The following RYK variants were observed in gnomAD, a reference collection of about 807,000 sequenced individuals.
RYK encodes the protein inactive tyrosine-protein kinase RYK.
Under a neutral mutation model 70.2 loss-of-function variants are expected in RYK, and 21 were observed. The ratio of observed to expected loss-of-function variants is 0.30; its 90% CI spans 0.21 to 0.43. RYK has a LOEUF of 0.43. Ranked by LOEUF, RYK falls within the 20% of genes least tolerant of loss-of-function variation. RYK has a pLI of 1.00. For missense variants in RYK, 604 were observed against 753.3 expected, an observed-to-expected ratio of 0.80 and a Z score of 2.32; for synonymous variants, 267 against 278.0, an observed-to-expected ratio of 0.96 and a Z score of 0.39.
At chr3:134,158,904 A>G (rs1449996324) in intron 14 of RYK, among the ~76,000 whole-genome samples, 1 of 152,232 alleles carries the variant, frequency 6.6e-6, no homozygotes, top group Non-Finnish European at 1.5e-5. Context: ...TATGTCCTTT[A>G]TAACTACTTT....
At chr3:134,181,805 C>T (rs972773018) in intron 10 of RYK, 1 of 152,124 alleles carries the variant, frequency 6.6e-6, no homozygotes, top group Non-Finnish European at 1.5e-5. Context: ...ATTTAAGCTG[C>T]TTCTGGCTCA....
At chr3:134,170,626 A>C (rs1453484838) in intron 13 of RYK, 1 of 154,736 alleles carries the variant, frequency 6.5e-6, no homozygotes, top group Non-Finnish European at 1.4e-5. Context: ...TACACTGAGA[A>C]GTGGAAGACA....
chr3:134,157,499 C>T lies in RYK; in HGVS notation c.*654G>A, dbSNP rs1298032572. 6.6e-6 allele frequency: 1 copy of T among 152,194 alleles called. No homozygotes were observed. Among genetic ancestry groups the T allele is most frequent in the Non-Finnish European group, 1.5e-5 (1 of 68,022 alleles). The allele number at this position is 152,194 out of a possible 1,614,324, so 9.4% of individuals were successfully genotyped here. On this transcript the variant is annotated 3_prime_UTR_variant, in exon 15 of 15. Transcript: ENST00000623711. ...TCCTGCTTTCCCAAAAACACGAAAGCAGAATTCCTTTTCACTGAAAAAAAT... is the reference window on the plus strand; with the variant it reads ...TCCTGCTTTCCCAAAAACACGAAAGTAGAATTCCTTTTCACTGAAAAAAAT...
chr3:134,190,620 C>T (rs2013617216), intron 8 of RYK, among the ~76,000 whole-genome samples: 1 of 151,874 alleles, frequency 6.6e-6, no homozygotes. Context: ...GTGAACCTGA[C>T]CACCTTTTTA....
rs372640282 is a variant in RYK, at chr3:134,192,527, C to CCACAT, written c.890-558_890-554dup. 2.9e-3 allele frequency among the ~76,000 whole-genome samples: 445 copies of CCACAT among 151,834 alleles called. 1 individual carries two copies. The highest frequency in any genetic ancestry group is 0.017 in the Middle Eastern group (5 of 294). On this transcript the variant is annotated intron_variant, in intron 7 of 14. Coordinates refer to ENST00000623711, the MANE Select transcript of RYK (RefSeq NM_002958.4). ...AATCAATGTAATTATTCTGGTATTA[C>CCACAT]CACATCCTAGTAAAACCATTGTGAG...
intron 2 of RYK, among the ~76,000 whole-genome samples, chr3:134,216,850 A>T (rs1381067528): frequency 6.7e-6 from 1 of 150,216 alleles, no homozygotes; most frequent in Non-Finnish European, 1.5e-5. Context: ...ACACAGTTAC[A>T]TGTTTCTCCT....
chr3:134,218,652 G>A lies in RYK; in HGVS notation c.354+3766C>T, dbSNP rs187063153. On this transcript the variant is annotated intron_variant, in intron 2 of 14. Coordinates refer to ENST00000623711, the MANE Select transcript of RYK (RefSeq NM_002958.4). ...ACACTAAATGACTGGCTAGATAGGA[G>A]GCAGAAAAGAAAGGCCGAGACCAGA... Among the ~76,000 whole-genome samples the A allele has an allele frequency of 3.2e-4, 49 of 152,234 alleles. No individual in the cohort carries two copies. The East Asian group carries it at 6.6e-3, about 20-fold the overall frequency.
At chr3:134,161,089 CT>C (rs1379019316) in intron 13 of RYK, among the ~76,000 whole-genome samples, 1 of 152,138 alleles carries the variant, frequency 6.6e-6, no homozygotes, top group East Asian at 1.9e-4. Flanking sequence ...TTAGTAACAA[CT>C]GAACATATTC....
intron 1 of RYK, among the ~76,000 whole-genome samples, chr3:134,242,943 C>T (rs2015365121): frequency 6.6e-6 from 1 of 152,208 alleles, no homozygotes; most frequent in Admixed American, 6.5e-5. Context: ...TAAATACCAA[C>T]TCCACCAAAA....
chr3:134,188,165 A>AT (rs1278637275), intron 9 of RYK, among the ~76,000 whole-genome samples: 6,179 of 98,622 alleles, frequency 0.063, 195 homozygotes, highest in East Asian at 0.13. Context: ...ATATATATAT[A>AT]TATTTTTTTT....
In RYK at chr3:134,178,087, A is replaced by C. The variant is rs758440580; in HGVS notation, c.1173-14T>G. ...GGAAGAAGATTTCTATAAAATAATA[A>C]AAAATTGGGAGAAAGACAAAGGAAT... is the stretch of plus-strand genomic sequence containing the variant. On this transcript the variant is annotated splice_polypyrimidine_tract_variant and intron_variant, in intron 10 of 14. Coordinates refer to ENST00000623711, the MANE Select transcript of RYK (RefSeq NM_002958.4). 1.3e-6 allele frequency: 2 copies of C among 1,540,112 alleles called. No individual in the cohort carries two copies. The highest frequency in any genetic ancestry group is 2.8e-5 in the African/African-American group (2 of 71,156).
At chr3:134,203,951 G>A (rs190324073) in intron 5 of RYK, among the ~76,000 whole-genome samples, 22 of 152,282 alleles carry the variant, frequency 1.4e-4, no homozygotes, top group Admixed American at 1.4e-3. Context: ...GTGGCTAGCA[G>A]TTACCATACT....
intron 6 of RYK, among the ~76,000 whole-genome samples, chr3:134,197,912 C>T (rs777256345): frequency 2.0e-5 from 3 of 152,178 alleles, no homozygotes; most frequent in Non-Finnish European, 4.4e-5. Context: ...CACACAAAGG[C>T]GTTACAGGGA....
At chr3:134,175,899 C>A in intron 12 of RYK, 31 bp downstream of exon 12, 1 of 1,559,614 alleles carries the variant, frequency 6.4e-7, no homozygotes, top group Non-Finnish European at 8.8e-7. Context: ...CACTCTACAT[C>A]AAGTGACAGC....
chr3:134,205,471 A>G (rs535634069), intron 5 of RYK, among the ~76,000 whole-genome samples: 1 of 152,332 alleles, frequency 6.6e-6, no homozygotes, highest in African/African-American at 2.4e-5. Context: ...ATGCCACAGG[A>G]AAGCTATTCA....
At chr3:134,209,874 C>A in intron 3 of RYK, 45 bp from the exon 4 acceptor site, 1 of 1,292,106 alleles carries the variant, frequency 7.7e-7, no homozygotes, top group South Asian at 1.6e-5. Context: ...TTCTAAAAAT[C>A]AACATTAATG....
chr3:134,247,553 T>C (rs1256265187), intron 1 of RYK, among the ~76,000 whole-genome samples: 2 of 151,970 alleles, frequency 1.3e-5, no homozygotes, highest in Non-Finnish European at 2.9e-5. Flanking sequence ...AAATACAAAA[T>C]TAGCTGGGCA....
At position 134,175,917 on chromosome 3, in the gene RYK, T is replaced by G. The variant is rs28622917; in HGVS notation, c.1415+13A>C. 140,547 of 1,586,468 alleles carry G rather than the reference T, an allele frequency of 0.089. 8,531 individuals are homozygous for G. The highest frequency in any genetic ancestry group is 0.37 in the East Asian group (16,391 of 44,506). On this transcript the variant is annotated intron_variant, in intron 12 of 14. Coordinates refer to ENST00000623711, the MANE Select transcript of RYK (RefSeq NM_002958.4). ...TCTACATCAAGTGACAGCGTCAAGC[T>G]CATGGCACCTACACACAGTTCCTGG...
In RYK at chr3:134,177,975, C is replaced by G. The variant is rs747240194; in HGVS notation, c.1271G>C (p.Arg424Pro). Residue 424 changes from arginine to proline, a missense_variant, in exon 11 of 15, where the codon CGA becomes CCA. Transcript: ENST00000623711. ...ATTGGCCTCTACTAACTTGCACTGTCGTAAAAACAATTTAAGATTCCCCCA... is the reference window on the plus strand; with the variant it reads ...ATTGGCCTCTACTAACTTGCACTGTGGTAAAAACAATTTAAGATTCCCCCA... ...MNWGNLKLFL[R>P]QCKLVEANNP... 23 of 1,612,770 alleles carry G rather than the reference C, an allele frequency of 1.4e-5. No individual in the cohort carries two copies. The highest frequency in any genetic ancestry group is 6.7e-5 in the East Asian group (3 of 44,812).
Sources: gnomAD v4.1 joint callset for allele counts (sites outside exome capture counted in the v4.1 genomes callset) on GRCh38, gnomAD v4.1.1 for gene constraint, MANE v1.5 for transcripts, NCBI Gene and HGNC (gene_info 2026-07-23, HGNC 2026-07-21) for gene names.